DPY19L1: variants seen among roughly 807,000 people sequenced by gnomAD.
DPY19L1 encodes the protein protein C-mannosyl-transferase DPY19L1.
DPY19L1 carries 35 observed loss-of-function variants against 96.9 expected under a neutral mutation model. The ratio of observed to expected loss-of-function variants is 0.36; its 90% CI spans 0.28 to 0.48. The LOEUF is 0.48. Ranked by LOEUF, DPY19L1 falls within the 20% of genes least tolerant of loss-of-function variation. The pLI, the probability that DPY19L1 is intolerant of heterozygous loss-of-function variation, is 0.99. For synonymous variants in DPY19L1, 205 were observed against 252.6 expected, an observed-to-expected ratio of 0.81 and a Z score of 1.79; for missense variants, 521 against 777.9, an observed-to-expected ratio of 0.67 and a Z score of 3.93.
At position 35,017,216 on chromosome 7, in the gene DPY19L1, G is replaced by A. The variant is rs1237396686; in HGVS notation, c.411+666C>T. On this transcript the variant is annotated intron_variant, in intron 3 of 21. Coordinates refer to ENST00000638088, the MANE Select transcript of DPY19L1 (RefSeq NM_001366673.1). ...TCCCTTTAAAAAGAGATAGTTGGCC[G>A]GGCACGGTGGCTCACGCCTGTAATC... Among the ~76,000 whole-genome samples, 15 of 152,014 alleles carry A rather than the reference G, an allele frequency of 9.9e-5. No homozygotes were observed. In the East Asian group the frequency reaches 1.2e-3, roughly 12 times the overall value.
At chr7:35,036,413 GT>G (rs1261148656) in intron 1 of DPY19L1, among the ~76,000 whole-genome samples, 99 of 145,460 alleles carry the variant, frequency 6.8e-4, no homozygotes, top group African/African-American at 2.0e-3. Context: ...CGTCAACTTT[GT>G]TTTTTTTTTT....
rs750061319 is a variant in DPY19L1, at chr7:34,940,352, G to T, written c.1690-25C>A. ...GCTGAAACCAAATTAAGAATACATT[G>T]GTAATTGTTAGTATAAGTAGTATGC... On this transcript the variant is annotated intron_variant, in intron 18 of 21. Transcript: ENST00000638088. 7 of 1,594,812 alleles carry T rather than the reference G, an allele frequency of 4.4e-6. No homozygotes were observed. In the South Asian group the frequency reaches 8.0e-5, roughly 18 times the overall value.
chr7:34,934,639 G>A (rs1244426649), intron 21 of DPY19L1, among the ~76,000 whole-genome samples: 4 of 152,130 alleles, frequency 2.6e-5, no homozygotes, highest in Admixed American at 6.5e-5. Context: ...GGGTGGGGGC[G>A]ATGGTTTTGG....
chr7:35,013,480 T>C, intron 4 of DPY19L1, 88 bp downstream of exon 4: 4 of 1,003,922 alleles, frequency 4.0e-6, no homozygotes, highest in African/African-American at 3.3e-5. Context: ...ATTTAATATA[T>C]TGAATTATAT....
chr7:35,007,674 A>G (rs1458502947), intron 6 of DPY19L1, among the ~76,000 whole-genome samples: 1 of 152,012 alleles, frequency 6.6e-6, no homozygotes, highest in Non-Finnish European at 1.5e-5. Flanking sequence ...AGTGTGGTAT[A>G]TGATATTATT....
At chr7:35,022,147 C>T (rs897602176) in intron 1 of DPY19L1, among the ~76,000 whole-genome samples, 2 of 152,110 alleles carry the variant, frequency 1.3e-5, no homozygotes, top group East Asian at 1.9e-4. Flanking sequence ...TGTTTATCGA[C>T]GTTTTTGAGA....
In DPY19L1 at chr7:35,037,192, CCGGCGGGCGGCGCGCCGGGCT is replaced by C. The variant is rs1786444867; in HGVS notation, c.182_202del (p.Glu61_Ala67del). ...GGCCAGGCGCCCCCCAAGGCCGCCC[CCGGCGGGCGGCGCGCCGGGCT>C]CGGCGCGGGGCCCCTTCCTGCCCGC... On this transcript the variant is annotated inframe_deletion, in exon 1 of 22. Coordinates refer to ENST00000638088, the MANE Select transcript of DPY19L1 (RefSeq NM_001366673.1). 2 of 145,222 alleles carry C rather than the reference CCGGCGGGCGGCGCGCCGGGCT, an allele frequency of 1.4e-5. No homozygotes were observed. Among genetic ancestry groups the C allele is most frequent in the East Asian group, 2.1e-4 (1 of 4,814 alleles). 9.0% of individuals were successfully genotyped at this position (145,222 alleles called of 1,614,324 possible). A position where few individuals can be genotyped will look rare whatever the true frequency, so the allele number is the denominator to read the frequency against.
chr7:34,959,898 AATATATATATATATAT>A (rs368552911), intron 10 of DPY19L1, among the ~76,000 whole-genome samples: 1 of 62,432 alleles, frequency 1.6e-5, no homozygotes, highest in African/African-American at 1.2e-4. Flanking sequence ...TTTGTATATA[AATATATATATATATAT>A]ATATATATAT....
chr7:34,963,135 C>A lies in DPY19L1; in HGVS notation c.1092+3759G>T, dbSNP rs190749132. Among the ~76,000 whole-genome samples the A allele has an allele frequency of 1.7e-3, 234 of 137,548 alleles. 2 individuals carry two copies. Among genetic ancestry groups the A allele is most frequent in the South Asian group, 9.7e-3 (42 of 4,326 alleles). 90.2% of individuals were successfully genotyped at this position (137,548 alleles called of 152,430 possible). ...GCTTGAACCCGGGAGGCGGAGGTTGCAGTGAGCCGAGATCGTGCCACTGCA... is the reference window on the plus strand; with the variant it reads ...GCTTGAACCCGGGAGGCGGAGGTTGAAGTGAGCCGAGATCGTGCCACTGCA... On this transcript the variant is annotated intron_variant, in intron 10 of 21. Coordinates refer to ENST00000638088, the MANE Select transcript of DPY19L1 (RefSeq NM_001366673.1).
chr7:35,015,739 C>G (rs1345986135), intron 3 of DPY19L1, among the ~76,000 whole-genome samples: 2 of 152,230 alleles, frequency 1.3e-5, no homozygotes, highest in Non-Finnish European at 2.9e-5. Flanking sequence ...CCTTTCATCC[C>G]TTTACTTTCT....
intron 19 of DPY19L1, 76 bp from the exon 20 acceptor site, chr7:34,939,451 T>A: frequency 7.8e-7 from 1 of 1,287,338 alleles, no homozygotes; most frequent in Non-Finnish European, 1.1e-6. Flanking sequence ...GTAAATCAAT[T>A]ATTTCACAGG....
At chr7:34,978,545 G>C (rs1784875892) in intron 7 of DPY19L1, among the ~76,000 whole-genome samples, 1 of 152,076 alleles carries the variant, frequency 6.6e-6, no homozygotes, top group Non-Finnish European at 1.5e-5. Flanking sequence ...AGTATCTCTT[G>C]TTTGATGCTA....
chr7:34,932,273 A>G (rs1174752384), intron 21 of DPY19L1, among the ~76,000 whole-genome samples: 1 of 152,234 alleles, frequency 6.6e-6, no homozygotes, highest in Non-Finnish European at 1.5e-5. Flanking sequence ...CAATAAACCC[A>G]TCATAAGTTG....
At chr7:34,933,734 C>T (rs975140164) in intron 21 of DPY19L1, among the ~76,000 whole-genome samples, 2 of 152,194 alleles carry the variant, frequency 1.3e-5, no homozygotes, top group Non-Finnish European at 2.9e-5. Context: ...GAACATCAGA[C>T]TCCAAGTTCT....
At chr7:34,942,544 GA>G (rs1227503477) in intron 17 of DPY19L1, 70 bp downstream of exon 17, 1 of 1,239,014 alleles carries the variant, frequency 8.1e-7, no homozygotes, top group Admixed American at 2.1e-5. Context: ...TTAGAAACTG[GA>G]ACTAGAAAGG....
At chr7:34,933,726 A>G (rs1783806886) in intron 21 of DPY19L1, among the ~76,000 whole-genome samples, 1 of 152,176 alleles carries the variant, frequency 6.6e-6, no homozygotes, top group African/African-American at 2.4e-5. Flanking sequence ...CTGCCCTTGA[A>G]CATCAGACTC....
chr7:34,974,618 T>A (rs1784795279), intron 7 of DPY19L1, among the ~76,000 whole-genome samples: 1 of 152,192 alleles, frequency 6.6e-6, no homozygotes, highest in South Asian at 2.1e-4. Context: ...TGTATACTGT[T>A]GTTACTAGAA....
intron 16 of DPY19L1, among the ~76,000 whole-genome samples, chr7:34,944,730 T>C (rs1784105934): frequency 6.6e-6 from 1 of 152,112 alleles, no homozygotes; most frequent in Non-Finnish European, 1.5e-5. Flanking sequence ...TAACACACAA[T>C]ACTACAAAAG....
chr7:35,032,899 T>G (rs529913568), intron 1 of DPY19L1, among the ~76,000 whole-genome samples: 6 of 152,128 alleles, frequency 3.9e-5, no homozygotes, highest in Non-Finnish European at 8.8e-5. Flanking sequence ...TCTCTCCATC[T>G]CCACAGCCAC....
Sources: gnomAD v4.1 joint callset for allele counts (sites outside exome capture counted in the v4.1 genomes callset) on GRCh38, gnomAD v4.1.1 for gene constraint, MANE v1.5 for transcripts, NCBI Gene and HGNC (gene_info 2026-07-23, HGNC 2026-07-21) for gene names.